Variants in ZNF385D observed in about 807,000 individuals in gnomAD.
ZNF385D encodes the protein zinc finger protein 659.
Under a neutral mutation model 35.8 loss-of-function variants are expected in ZNF385D, and 15 were observed. That is an observed-to-expected ratio of 0.42 (90% confidence interval 0.28 to 0.64). ZNF385D has a LOEUF of 0.64. Among genes scored for constraint, ZNF385D ranks in the 30% least tolerant of loss-of-function variants. The pLI is 0.23. For synonymous variants in ZNF385D, 212 were observed against 186.8 expected (o/e 1.13, Z -1.10); for missense variants, 474 against 494.6 (o/e 0.96, Z 0.39).
chr3:21,789,206 A>G (rs936527040), intron 3 of ZNF385D, among the ~76,000 whole-genome samples: 1 of 152,238 alleles, frequency 6.6e-6, no homozygotes, highest in African/African-American at 2.4e-5. Context: ...TTAAATCTAT[A>G]ATATAATTAT....
At chr3:21,726,067 T>C (rs1385134813) in intron 1 of ZNF385D, among the ~76,000 whole-genome samples, 1 of 151,996 alleles carries the variant, frequency 6.6e-6, no homozygotes, top group East Asian at 1.9e-4. Flanking sequence ...ACAGAACCAA[T>C]GACAAAAACC....
At chr3:22,294,730 A>T (rs1488986340) in intron 2 of ZNF385D, among the ~76,000 whole-genome samples, 1 of 152,150 alleles carries the variant, frequency 6.6e-6, no homozygotes, top group Non-Finnish European at 1.5e-5. Context: ...AAAGAAAACA[A>T]GTTAATGCAA....
intron 3 of ZNF385D, among the ~76,000 whole-genome samples, chr3:21,798,564 T>G (rs1034567732): frequency 2.0e-5 from 3 of 152,154 alleles, no homozygotes; most frequent in Admixed American, 6.5e-5. Flanking sequence ...ATTAGGTCAG[T>G]CCCACCAGGA....
intron 3 of ZNF385D, among the ~76,000 whole-genome samples, chr3:22,072,616 A>T (rs572823706): frequency 1.3e-5 from 2 of 152,140 alleles, no homozygotes; most frequent in South Asian, 4.1e-4. Context: ...CCTAATCAAA[A>T]CTAAAAAGAA....
intron 3 of ZNF385D, among the ~76,000 whole-genome samples, chr3:22,044,567 T>C (rs1293059398): frequency 6.6e-6 from 1 of 152,116 alleles, no homozygotes; most frequent in Non-Finnish European, 1.5e-5. Flanking sequence ...ATCCTTATGT[T>C]TTGGAGAAGG....
At chr3:21,713,287 T>C (rs143717109) in intron 1 of ZNF385D, among the ~76,000 whole-genome samples, 5 of 152,306 alleles carry the variant, frequency 3.3e-5, no homozygotes, top group East Asian at 1.9e-4. Context: ...CCTGCACTTG[T>C]CCATAGCAGA....
intron 2 of ZNF385D, among the ~76,000 whole-genome samples, chr3:22,336,349 T>C (rs960473519): frequency 2.0e-5 from 3 of 152,172 alleles, no homozygotes; most frequent in African/African-American, 7.2e-5. Flanking sequence ...AATTCTTTTT[T>C]TATTTGTTCA....
intron 3 of ZNF385D, among the ~76,000 whole-genome samples, chr3:21,851,112 TA>T (rs1241010909): frequency 2.0e-5 from 3 of 149,814 alleles, no homozygotes; most frequent in African/African-American, 7.4e-5. Flanking sequence ...TAAGAAAACA[TA>T]AAAACAATGA....
chr3:21,747,685 G>T (rs1276361647), intron 1 of ZNF385D, among the ~76,000 whole-genome samples: 2 of 152,318 alleles, frequency 1.3e-5, no homozygotes, highest in South Asian at 4.1e-4. Context: ...CTGAGCAATT[G>T]CTGGGGTGCA....
At chr3:21,839,163 T>C (rs1695508814) in intron 3 of ZNF385D, among the ~76,000 whole-genome samples, 1 of 152,132 alleles carries the variant, frequency 6.6e-6, no homozygotes, top group Non-Finnish European at 1.5e-5. Flanking sequence ...CAAGCCTTAA[T>C]CATTAAGCCC....
intron 2 of ZNF385D, among the ~76,000 whole-genome samples, chr3:21,620,370 C>T (rs938039475): frequency 2.0e-5 from 3 of 152,088 alleles, no homozygotes; most frequent in Non-Finnish European, 4.4e-5. Flanking sequence ...TTCCTCTGCC[C>T]CCATCTCCTA....
At chr3:21,625,562 G>A (rs1283736518) in intron 2 of ZNF385D, among the ~76,000 whole-genome samples, 1 of 152,022 alleles carries the variant, frequency 6.6e-6, no homozygotes, top group African/African-American at 2.4e-5. Flanking sequence ...AATGTTCCTT[G>A]CTTACATTAG....
chr3:21,991,125 G>C (rs947359474), intron 3 of ZNF385D, among the ~76,000 whole-genome samples: 2 of 152,048 alleles, frequency 1.3e-5, no homozygotes, highest in Non-Finnish European at 2.9e-5. Context: ...AACTAATTAC[G>C]GTGAGGGAGA....
chr3:22,232,728 T>A lies in ZNF385D; in HGVS notation c.107-63693A>T, dbSNP rs149896290. 2.7e-3 allele frequency among the ~76,000 whole-genome samples: 412 copies of A among 152,308 alleles called. 1 individual carries two copies. The highest frequency in any genetic ancestry group is 9.7e-3 in the African/African-American group (403 of 41,576). On this transcript the variant is annotated intron_variant, in intron 2 of 5. Coordinates refer to the ZNF385D transcript ENST00000494108. ...GCAAAGGAGATGAACTCATCCTTTT[T>A]AATGGCTGCATAGTATTCCATGGTG...
chr3:21,699,175 C>A (rs1297345198), intron 1 of ZNF385D, among the ~76,000 whole-genome samples: 1 of 152,158 alleles, frequency 6.6e-6, no homozygotes, highest in East Asian at 1.9e-4. Flanking sequence ...AGGATGAGTT[C>A]ATGTCCTTTG....
intron 3 of ZNF385D, among the ~76,000 whole-genome samples, chr3:22,010,476 AAATC>A (rs1465498031): frequency 1.2e-4 from 19 of 152,228 alleles, no homozygotes; most frequent in African/African-American, 4.3e-4. Context: ...ACAAAAAGAT[AAATC>A]AAGAGACACC....
At chr3:21,740,149 T>C (rs1257452268) in intron 1 of ZNF385D, among the ~76,000 whole-genome samples, 1 of 152,188 alleles carries the variant, frequency 6.6e-6, no homozygotes, top group African/African-American at 2.4e-5. Flanking sequence ...TTTGTCACCG[T>C]AATTGGAGCT....
At chr3:21,684,946 C>A (rs2067056760) in intron 1 of ZNF385D, among the ~76,000 whole-genome samples, 1 of 152,118 alleles carries the variant, frequency 6.6e-6, no homozygotes, top group Admixed American at 6.6e-5. Flanking sequence ...ACTCGTATGG[C>A]AATTTGGAAA....
intron 3 of ZNF385D, among the ~76,000 whole-genome samples, chr3:21,782,208 C>T (rs2071517360): frequency 6.6e-6 from 1 of 152,072 alleles, no homozygotes; most frequent in African/African-American, 2.4e-5. Context: ...TGTCAGTATT[C>T]AGTTGCCCCA....
Sources: allele counts gnomAD v4.1 joint callset (sites outside exome capture counted in the v4.1 genomes callset), GRCh38; gene constraint gnomAD v4.1.1; transcripts MANE v1.5; gene names NCBI Gene and HGNC (gene_info 2026-07-23, HGNC 2026-07-21).